Variants in IFT74 observed in about 807,000 individuals in gnomAD.
IFT74 encodes intraflagellar transport 74.
A neutral mutation model predicts 96.7 loss-of-function variants in IFT74; 92 were observed. The observed-to-expected ratio is 0.95, with a 90% CI of 0.80 to 1.13. The LOEUF is 1.13. IFT74 is among the 50% of genes most tolerant of loss of function. The pLI is 0.00. For synonymous variants in IFT74, 223 were observed against 213.2 expected (o/e 1.05, Z -0.40); for missense variants, 811 against 698.2 (o/e 1.16, Z -1.82).
chr9:27,005,352 T>TC (rs1443234170), intron 8 of IFT74, among the ~76,000 whole-genome samples: 228 of 18,842 alleles, frequency 0.012, 6 homozygotes, highest in Non-Finnish European at 0.016. Context: ...TGAAACCATT[T>TC]CCCCCCCCGC....
rs772863479 is a variant in IFT74, at chr9:26,984,264, A to G, written c.313A>G (p.Ile105Val). The change falls in exon 5 of 20, where the codon ATA becomes GTA. Residue 105 changes from isoleucine (I) to valine (V), a missense_variant. Transcript: ENST00000380062. The stretch of plus-strand genomic sequence containing the variant: ...TTATTTCTTTTCTAATAGAAGTAAA[A>G]TAAGTGAACTTACAACTGAAGTTAA... ...SYYLGLLRSK[I>V]SELTTEVNKL... 4 of 1,562,688 alleles carry G rather than the reference A, an allele frequency of 2.6e-6. No homozygotes were observed. The highest frequency in any genetic ancestry group is 3.5e-6 in the Non-Finnish European group (4 of 1,154,230).
At chr9:27,015,067 G>A (rs574725040) in intron 10 of IFT74, among the ~76,000 whole-genome samples, 1 of 152,166 alleles carries the variant, frequency 6.6e-6, no homozygotes. Context: ...ATCAGGTGAA[G>A]GATTAACATG....
intron 2 of IFT74, among the ~76,000 whole-genome samples, chr9:26,965,853 A>G (rs1471518991): frequency 6.6e-6 from 1 of 152,014 alleles, no homozygotes; most frequent in African/African-American, 2.4e-5. Context: ...CCCATTGTTT[A>G]GCTCCCACTT....
At chr9:27,011,668 G>GCA (rs1349777712) in intron 9 of IFT74, among the ~76,000 whole-genome samples, 3 of 145,640 alleles carry the variant, frequency 2.1e-5, no homozygotes, top group Non-Finnish European at 4.6e-5. Context: ...TTTTTTGAAG[G>GCA]CACACAGCAA....
chr9:27,050,169 C>A (rs1201917540), intron 16 of IFT74, among the ~76,000 whole-genome samples: 1 of 152,078 alleles, frequency 6.6e-6, no homozygotes, highest in Non-Finnish European at 1.5e-5. Flanking sequence ...GTGATTCTCT[C>A]ACCTCAGCCT....
upstream of IFT74, among the ~76,000 whole-genome samples, chr9:26,951,571 CA>C (rs1472067776): frequency 1.3e-5 from 2 of 152,030 alleles, no homozygotes; most frequent in African/African-American, 2.4e-5. Flanking sequence ...GTTGAAAAAA[CA>C]AAGTCCATAT....
At chr9:26,990,030 T>C (rs1352446728) in intron 7 of IFT74, 104 bp from the exon 8 acceptor site, 3 of 526,090 alleles carry the variant, frequency 5.7e-6, no homozygotes, top group African/African-American at 4.0e-5. Context: ...GGCACTAGGA[T>C]AATTATAGTA....
intron 8 of IFT74, among the ~76,000 whole-genome samples, chr9:27,006,312 C>T (rs1041968088): frequency 1.3e-5 from 2 of 152,080 alleles, no homozygotes; most frequent in African/African-American, 4.8e-5. Context: ...AGCATTCAAA[C>T]TGAGGTCAGG....
intron 13 of IFT74, chr9:27,036,684 A>G: frequency 8.9e-7 from 1 of 1,126,590 alleles, no homozygotes; most frequent in Non-Finnish European, 1.1e-6. Context: ...TGCTTCTGTG[A>G]AAAAAAAAAG....
chr9:26,948,448 A>ATTATTATTATTATTATTTT (rs1825819541), intron 1 of IFT74, among the ~76,000 whole-genome samples: 5 of 59,162 alleles, frequency 8.5e-5, no homozygotes, highest in African/African-American at 1.6e-4. Context: ...GCTTTCCATT[A>ATTATTATTATTATTATTTT]TTTTTTTTTT....
rs74819199 is a variant in IFT74, at chr9:27,016,652, C to G, written c.790-255C>G. On this transcript the variant is annotated intron_variant, in intron 10 of 19. Coordinates refer to ENST00000380062, the MANE Select transcript of IFT74 (RefSeq NM_025103.4). ...AGAGTTGTCCTATACTTATTCAGGT[C>G]TTATATGTAGAAAATAAAATAAACT... 0.04 allele frequency among the ~76,000 whole-genome samples: 6,077 copies of G among 152,186 alleles called. 205 individuals carry two copies. Among genetic ancestry groups the G allele is most frequent in the South Asian group, 0.13 (607 of 4,824 alleles).
chr9:27,018,753 A>G, intron 12 of IFT74, 66 bp downstream of exon 12: 3 of 961,618 alleles, frequency 3.1e-6, no homozygotes, highest in Non-Finnish European at 4.7e-6. Context: ...TTCTAAAGGT[A>G]CAGGAGTGGC....
In IFT74 at chr9:27,044,811, G is replaced by T. The variant is rs995825642; in HGVS notation, c.1108+16G>T. On this transcript the variant is annotated intron_variant, in intron 14 of 19. Transcript: ENST00000380062. ...CATATGGACAGTAAGTGATATTCTTGTAGATATAAAAATATAATATTTTCA... is the reference window on the plus strand; with the variant it reads ...CATATGGACAGTAAGTGATATTCTTTTAGATATAAAAATATAATATTTTCA... 1 of 1,392,042 alleles carries T rather than the reference G, an allele frequency of 7.2e-7. No individual in the cohort carries two copies. Among genetic ancestry groups the T allele is most frequent in the South Asian group, 1.3e-5 (1 of 75,274 alleles). 86.2% of individuals were successfully genotyped at this position (1,392,042 alleles called of 1,614,324 possible). A position where few individuals can be genotyped will look rare whatever the true frequency, so the allele number is the denominator to read the frequency against.
chr9:26,982,304 C>G (rs1270030874), intron 4 of IFT74: 4 of 386,480 alleles, frequency 1.0e-5, no homozygotes, highest in Admixed American at 9.4e-5. Flanking sequence ...TTGCTTGTCA[C>G]CCAAGCTGGA....
At chr9:26,979,246 G>T (rs1320618358) in intron 3 of IFT74, among the ~76,000 whole-genome samples, 1 of 151,220 alleles carries the variant, frequency 6.6e-6, no homozygotes, top group Non-Finnish European at 1.5e-5. Flanking sequence ...AGAAATGTTT[G>T]CTTAATGATT....
intron 8 of IFT74, among the ~76,000 whole-genome samples, chr9:26,997,156 G>A (rs570718454): frequency 1.3e-5 from 2 of 151,266 alleles, no homozygotes; most frequent in African/African-American, 4.9e-5. Context: ...AGGTTGTGGT[G>A]AGCTGAGATC....
chr9:26,973,635 C>A (rs62542663), intron 2 of IFT74, among the ~76,000 whole-genome samples: 9,706 of 152,208 alleles, frequency 0.064, 367 homozygotes, highest in Middle Eastern at 0.15. Flanking sequence ...TAGTTCCCAC[C>A]TCAGGGATCA....
chr9:27,047,319 G>A lies in IFT74; in HGVS notation c.1154G>A (p.Arg385Gln), dbSNP rs756441000. The A allele has an allele frequency of 3.1e-6, 5 of 1,613,300 alleles. No homozygotes were observed. Among genetic ancestry groups the A allele is most frequent in the East Asian group, 2.2e-5 (1 of 44,842 alleles). The change falls in exon 15 of 20, where the codon CGA (arginine) becomes CAA (glutamine). Residue 385 changes from arginine to glutamine, a missense_variant. By Grantham distance (43) the Arg-to-Gln change is conservative (BLOSUM62 1). Transcript: ENST00000380062. ...GAAACAAAGAATCAGGAACTGAAACGAAAGGCACAGATAGAAGCCAACATT... is the reference window on the plus strand; with the variant it reads ...GAAACAAAGAATCAGGAACTGAAACAAAAGGCACAGATAGAAGCCAACATT... ...FEETKNQELK[R>Q]KAQIEANIVA...
chr9:27,002,127 A>G (rs1221828148), intron 8 of IFT74, among the ~76,000 whole-genome samples: 1 of 152,132 alleles, frequency 6.6e-6, no homozygotes. Context: ...ACACTTTTAA[A>G]CAACCAGATC....
Sources: gnomAD v4.1 joint callset for allele counts (sites outside exome capture counted in the v4.1 genomes callset) on GRCh38, gnomAD v4.1.1 for gene constraint, MANE v1.5 for transcripts, NCBI Gene and HGNC (gene_info 2026-07-23, HGNC 2026-07-21) for gene names.